ZNF581: variants seen among roughly 807,000 people sequenced by gnomAD.
The protein encoded by ZNF581 is zinc finger protein 581.
In ZNF581, 1 loss-of-function variant was observed where a neutral mutation model predicts 1.2. That is an observed-to-expected ratio of 0.83 (90% confidence interval 0.30 to 3.95). The LOEUF is 3.95. ZNF581 is among the 30% of genes most tolerant of loss of function. ZNF581 has a pLI of 0.18. For synonymous variants in ZNF581, 105 were observed against 109.2 expected (o/e 0.96, Z 0.24); for missense variants, 273 against 274.6 (o/e 0.99, Z 0.04).
In ZNF581 at chr19:55,645,216, A is replaced by C; in HGVS notation, c.*51A>C. 1 of 1,458,768 alleles carries C rather than the reference A, an allele frequency of 6.9e-7. No individual in the cohort carries two copies. Among genetic ancestry groups the C allele is most frequent in the Non-Finnish European group, 9.2e-7 (1 of 1,089,252 alleles). 90.4% of individuals were successfully genotyped at this position (1,458,768 alleles called of 1,614,324 possible). On this transcript the variant is annotated 3_prime_UTR_variant, in exon 2 of 2. Transcript: ENST00000270451. ...CCACAGGACTTTGCAGGGAGCCTGG[A>C]CTCCTGTCCAGACACCTGGTGAGAG...
At chr19:55,640,923 G>C (rs1216424190), upstream of ZNF581, 2 of 985,298 alleles carry the variant, frequency 2.0e-6, no homozygotes, top group South Asian at 9.4e-5. Flanking sequence ...CCCGCAGGGC[G>C]CTCCGCAGAG....
upstream of ZNF581, chr19:55,640,123 C>T (rs925130469): frequency 1.2e-5 from 12 of 985,356 alleles, no homozygotes; most frequent in African/African-American, 2.1e-4. Context: ...CCCCCACTCT[C>T]AGCTGCACCT....
upstream of ZNF581, chr19:55,643,014 T>C (rs1982625179): frequency 7.3e-7 from 1 of 1,362,972 alleles, no homozygotes; most frequent in South Asian, 1.9e-5. Flanking sequence ...GCGCAGCACG[T>C]GCGCCTCCAC....
upstream of ZNF581, among the ~76,000 whole-genome samples, chr19:55,637,795 C>G (rs980767485): frequency 9.2e-5 from 14 of 152,216 alleles, no homozygotes; most frequent in African/African-American, 3.1e-4. Context: ...TCTTTGAGCT[C>G]TGCTTCCCTC....
upstream of ZNF581, chr19:55,642,823 G>T: frequency 6.3e-7 from 1 of 1,574,888 alleles, no homozygotes; most frequent in Non-Finnish European, 8.6e-7. Flanking sequence ...CCAGCCCTCT[G>T]CGGCTGCAGA....
upstream of ZNF581, among the ~76,000 whole-genome samples, chr19:55,636,830 G>A (rs1982119568): frequency 6.6e-6 from 1 of 152,138 alleles, no homozygotes; most frequent in South Asian, 2.1e-4. Context: ...CTCTTGTGAG[G>A]GGCTGAAAGG....
At chr19:55,642,659 G>A, upstream of ZNF581, 1 of 1,426,536 alleles carries the variant, frequency 7.0e-7, no homozygotes, top group Non-Finnish European at 9.2e-7. Context: ...CCCGCGGCTG[G>A]GCCGCCACCT....
chr19:55,640,860 C>T, upstream of ZNF581: 1 of 985,420 alleles, frequency 1.0e-6, no homozygotes, highest in Non-Finnish European at 1.2e-6. Flanking sequence ...GGGAGGGGAG[C>T]GGGGCCGCCG....
At chr19:55,641,151 C>G (rs1196454739), upstream of ZNF581, 2 of 985,426 alleles carry the variant, frequency 2.0e-6, no homozygotes, top group Non-Finnish European at 2.4e-6. Flanking sequence ...GACCTCGGCC[C>G]GTTCCTCCGG....
In ZNF581 at chr19:55,635,939, G is replaced by T. The variant is rs1022767726; in HGVS notation, c.-20+227G>T. On this transcript the variant is annotated intron_variant, in intron 1 of 1. Coordinates refer to the ZNF581 transcript ENST00000587252. ...AGAGGAAAGGGGAAGAATTCCCAGG[G>T]CGAGGAAAACACATAAGCCTTTGCG... Among the ~76,000 whole-genome samples, 13 of 152,284 alleles carry T rather than the reference G, an allele frequency of 8.5e-5. No individual in the cohort carries two copies. The East Asian group carries it at 1.4e-3, about 16-fold the overall frequency.
chr19:55,638,489 C>T (rs576236816), upstream of ZNF581, among the ~76,000 whole-genome samples: 2 of 152,258 alleles, frequency 1.3e-5, no homozygotes, highest in Admixed American at 1.3e-4. Context: ...CCCGCCTCGC[C>T]CTCCCAAAGT....
upstream of ZNF581, among the ~76,000 whole-genome samples, chr19:55,638,285 C>G (rs1409012344): frequency 6.6e-6 from 1 of 152,124 alleles, no homozygotes; most frequent in Non-Finnish European, 1.5e-5. Context: ...TGTTGCCAGG[C>G]TGGAGTGCAG....
At chr19:55,639,345 G>T (rs1236495318), upstream of ZNF581, among the ~76,000 whole-genome samples, 1 of 152,200 alleles carries the variant, frequency 6.6e-6, no homozygotes. Context: ...CTGTTTGGGA[G>T]ACTGAAGTGG....
chr19:55,645,395 T>G lies in ZNF581; in HGVS notation c.*230T>G, dbSNP rs1399169885. 1 of 443,200 alleles carries G rather than the reference T, an allele frequency of 2.3e-6. No homozygotes were observed. The highest frequency in any genetic ancestry group is 3.4e-5 in the East Asian group (1 of 29,386). The allele number at this position is 443,200 out of a possible 1,614,324, so 27.5% of individuals were successfully genotyped here. A position where few individuals can be genotyped will look rare whatever the true frequency, so the allele number is the denominator to read the frequency against. On this transcript the variant is annotated 3_prime_UTR_variant, in exon 2 of 2. Transcript: ENST00000270451. ...TGAGCCCCTACACAGAATGGAGTCC[T>G]CTAGCCTAAAGATATCAGCTGTTCC...
At chr19:55,642,977 C>T (rs1190917289), upstream of ZNF581, 17 of 1,379,658 alleles carry the variant, frequency 1.2e-5, no homozygotes, top group Non-Finnish European at 1.6e-5. Context: ...GCTCTGCCCA[C>T]GCCGCTTCCA....
chr19:55,636,645 C>T (rs1028530570), upstream of ZNF581, among the ~76,000 whole-genome samples: 1 of 151,852 alleles, frequency 6.6e-6, no homozygotes, highest in African/African-American at 2.4e-5. Flanking sequence ...GGAAGGCAGG[C>T]AGTAACACAG....
At chr19:55,642,261 A>G (rs975921263), upstream of ZNF581, 37 of 1,236,538 alleles carry the variant, frequency 3.0e-5, no homozygotes, top group African/African-American at 4.8e-4. Flanking sequence ...AGGTGGACCC[A>G]GGAGGAGTGG....
At chr19:55,635,918 G>A (rs1336640348) in intron 1 of ZNF581, among the ~76,000 whole-genome samples, 4 of 152,194 alleles carry the variant, frequency 2.6e-5, no homozygotes, top group Admixed American at 1.3e-4. Flanking sequence ...GCCAGTAGAG[G>A]AAAGGGGAAG....
At chr19:55,640,078 C>CT, upstream of ZNF581, 1 of 973,580 alleles carries the variant, frequency 1.0e-6, no homozygotes, top group Non-Finnish European at 1.2e-6. Context: ...ACCCCAGGGT[C>CT]TTGGGGCTCG....
Sources: allele counts gnomAD v4.1 joint callset (sites outside exome capture counted in the v4.1 genomes callset), GRCh38; gene constraint gnomAD v4.1.1; transcripts MANE v1.5; gene names NCBI Gene and HGNC (gene_info 2026-07-23, HGNC 2026-07-21).